The following ADK variants were observed in gnomAD, a reference collection of about 807,000 sequenced individuals.
ADK encodes N6,N6-dimethyladenosine kinase.
A neutral mutation model predicts 44.7 loss-of-function variants in ADK; 24 were observed. That is an observed-to-expected ratio of 0.54 (90% CI 0.39 to 0.76). The LOEUF is 0.76. Among genes scored for constraint, ADK ranks in the 30% least tolerant of loss-of-function variants. ADK has a pLI of 0.00. For synonymous variants in ADK, 128 were observed against 142.6 expected, an observed-to-expected ratio of 0.90 and a Z score of 0.73; for missense variants, 321 against 425.1, an observed-to-expected ratio of 0.76 and a Z score of 2.15.
Position 74,512,065 on chromosome 10 carries a change from A to AT in ADK, c.556-13186dup, listed in dbSNP as rs561832181. 5.2e-4 allele frequency among the ~76,000 whole-genome samples: 79 copies of AT among 152,280 alleles called. 3 individuals carry two copies. The East Asian group carries it at 0.012, about 24-fold the overall frequency. ...TGCTTTTCATTGAGATGATCATATG[A>AT]TTTTTGTCCTTCATTCTATTGATAG... On this transcript the variant is annotated intron_variant, in intron 6 of 10. Transcript: ENST00000539909.
At chr10:74,459,420 G>C (rs557769030) in intron 6 of ADK, among the ~76,000 whole-genome samples, 1 of 151,996 alleles carries the variant, frequency 6.6e-6, no homozygotes, top group Admixed American at 6.6e-5. Context: ...GACACAGTTT[G>C]GTAAATATTA....
At chr10:74,250,035 G>A (rs768031007) in intron 3 of ADK, among the ~76,000 whole-genome samples, 15 of 151,830 alleles carry the variant, frequency 9.9e-5, no homozygotes, top group African/African-American at 3.1e-4. Flanking sequence ...GACTTATTGC[G>A]CCACTCTCTC....
At chr10:74,268,936 AAAT>A (rs1160828132) in intron 3 of ADK, among the ~76,000 whole-genome samples, 1 of 152,212 alleles carries the variant, frequency 6.6e-6, no homozygotes, top group Non-Finnish European at 1.5e-5. Flanking sequence ...TTGTTTGGGG[AAAT>A]AATATCAACT....
intron 3 of ADK, among the ~76,000 whole-genome samples, chr10:74,259,152 C>T (rs1845944327): frequency 6.6e-6 from 1 of 151,528 alleles, no homozygotes; most frequent in Non-Finnish European, 1.5e-5. Context: ...GCCATGTTGG[C>T]CAGGCTGATT....
At chr10:74,180,238 ATT>A (rs1437577320) in intron 1 of ADK, among the ~76,000 whole-genome samples, 27 of 146,902 alleles carry the variant, frequency 1.8e-4, no homozygotes, top group African/African-American at 6.5e-4. Context: ...TATTATTGTT[ATT>A]ATTAATTATT....
At chr10:74,589,140 T>G (rs141907082) in intron 7 of ADK, 142 bp from the exon 8 acceptor site, 9 of 719,602 alleles carry the variant, frequency 1.3e-5, no homozygotes, top group Non-Finnish European at 2.1e-5. Context: ...AAATCTTTAT[T>G]GCTGTAAGAA....
chr10:74,199,232 T>C lies in ADK; in HGVS notation c.66-1532T>C, dbSNP rs937022153. 2.0e-5 allele frequency among the ~76,000 whole-genome samples: 3 copies of C among 152,196 alleles called. No homozygotes were observed. In the East Asian group the frequency reaches 5.8e-4, roughly 29 times the overall value. On this transcript the variant is annotated intron_variant, in intron 1 of 10. Transcript: ENST00000539909. ...TCAGGGGAGTGCATGTGCAGGTTTG[T>C]TACATGGGTATATCATATGATACTG...
chr10:74,471,809 T>C (rs1419189695), intron 6 of ADK, among the ~76,000 whole-genome samples: 1 of 152,198 alleles, frequency 6.6e-6, no homozygotes, highest in East Asian at 1.9e-4. Flanking sequence ...GGGTTGTTCA[T>C]TGTTAGTATT....
rs1346894731 is a variant in ADK at position 74,600,480 on chromosome 10, T to G, written c.864T>G (p.Thr288=). 1 of 1,607,274 alleles carries G rather than the reference T, an allele frequency of 6.2e-7. No homozygotes were observed. The highest frequency in any genetic ancestry group is 8.5e-7 in the Non-Finnish European group (1 of 1,175,376). ...TCTTCACCCAAGGGAGAGATGACACTATAATGGCTACAGGTACATGTGGGA... is the reference window on the plus strand; with the variant it reads ...TCTTCACCCAAGGGAGAGATGACACGATAATGGCTACAGGTACATGTGGGA... ...IVIFTQGRDD[T]IMATESEVTA... The change falls in exon 9 of 11, where the codon ACT becomes ACG. Residue 288 remains threonine (T), a synonymous_variant. Coordinates refer to ENST00000539909, the MANE Select transcript of ADK (RefSeq NM_006721.4).
rs144126535 is a variant in ADK, at chr10:74,297,937, A to C, written c.195-16730A>C. Reference sequence around the variant, plus strand: ...ATCTCAGTAATGCAGTTATAATTCAACAGTGTTTCAAGTGCCATATGTATT... The same window carrying C: ...ATCTCAGTAATGCAGTTATAATTCACCAGTGTTTCAAGTGCCATATGTATT... On this transcript the variant is annotated intron_variant, in intron 3 of 10. Transcript: ENST00000539909. Among the ~76,000 whole-genome samples the C allele has an allele frequency of 3.3e-4, 50 of 152,282 alleles. 1 individual carries two copies. In the East Asian group the frequency reaches 5.8e-3, roughly 18 times the overall value.
At chr10:74,428,822 G>T (rs1472361758) in intron 6 of ADK, among the ~76,000 whole-genome samples, 2 of 152,324 alleles carry the variant, frequency 1.3e-5, no homozygotes, top group East Asian at 3.9e-4. Context: ...ACAACACATT[G>T]ACAGGGTGAT....
At chr10:74,538,284 T>C (rs1041850111) in intron 7 of ADK, among the ~76,000 whole-genome samples, 1 of 151,762 alleles carries the variant, frequency 6.6e-6, no homozygotes, top group Non-Finnish European at 1.5e-5. Flanking sequence ...AATGTATTGC[T>C]CTGCTTCATC....
At chr10:74,456,822 G>A (rs972968306) in intron 6 of ADK, among the ~76,000 whole-genome samples, 13 of 152,080 alleles carry the variant, frequency 8.5e-5, no homozygotes, top group Non-Finnish European at 1.5e-5. Context: ...CTTGGACACA[G>A]CTAAAGCAGT....
intron 6 of ADK, among the ~76,000 whole-genome samples, chr10:74,406,520 TAATAATAAG>T (rs1198502828): frequency 0.046 from 2,635 of 57,472 alleles, 79 homozygotes; most frequent in African/African-American, 0.12. Context: ...ATAATAATAA[TAATAATAAG>T]AAGAAGAAGA....
intron 6 of ADK, among the ~76,000 whole-genome samples, chr10:74,486,431 A>G (rs1847270068): frequency 6.6e-6 from 1 of 152,200 alleles, no homozygotes; most frequent in Non-Finnish European, 1.5e-5. Context: ...TAAAGTTAAA[A>G]TAATAAGACA....
At chr10:74,508,280 A>G (rs1049023767) in intron 6 of ADK, 9 of 152,140 alleles carry the variant, frequency 5.9e-5, no homozygotes, top group African/African-American at 1.7e-4. Flanking sequence ...TGCTTTATGT[A>G]TATGTATTTC....
At chr10:74,541,854 C>T (rs1289644102) in intron 7 of ADK, among the ~76,000 whole-genome samples, 1 of 129,982 alleles carries the variant, frequency 7.7e-6, no homozygotes. Flanking sequence ...TTTTTTCATG[C>T]GTTATACTAA....
At chr10:74,607,144 C>T (rs1236968581) in intron 9 of ADK, among the ~76,000 whole-genome samples, 1 of 152,056 alleles carries the variant, frequency 6.6e-6, no homozygotes, top group Non-Finnish European at 1.5e-5. Flanking sequence ...TGAGATGAGT[C>T]TCCTGAATAT....
chr10:74,230,091 T>C (rs1441480334), intron 3 of ADK, among the ~76,000 whole-genome samples: 1 of 148,378 alleles, frequency 6.7e-6, no homozygotes, highest in Non-Finnish European at 1.5e-5. Flanking sequence ...GAACTGGATA[T>C]CTGTAAAGCT....
Sources: gnomAD v4.1 joint callset for allele counts (sites outside exome capture counted in the v4.1 genomes callset) on GRCh38, gnomAD v4.1.1 for gene constraint, MANE v1.5 for transcripts, NCBI Gene and HGNC (gene_info 2026-07-23, HGNC 2026-07-21) for gene names.